Variants in LRMDA observed in about 807,000 individuals in gnomAD.
LRMDA encodes leucine-rich melanocyte differentiation-associated protein.
LRMDA carries 18 observed loss-of-function variants against 29.8 expected under a neutral mutation model. The observed-to-expected ratio is 0.60, with a 90% confidence interval of 0.42 to 0.90. The LOEUF is 0.90. Among genes scored for constraint, LRMDA ranks in the 40% least tolerant of loss-of-function variants. The probability of loss-of-function intolerance (pLI) is 0.00; values close to 1 mark genes in which losing one functional copy is unlikely to be tolerated. For synonymous variants in LRMDA, 125 were observed against 109.4 expected, an observed-to-expected ratio of 1.14 and a Z score of -0.89; for missense variants, 273 against 273.9, an observed-to-expected ratio of 1.00 and a Z score of 0.02.
intron 5 of LRMDA, among the ~76,000 whole-genome samples, chr10:76,213,426 TC>T: frequency 6.6e-6 from 1 of 152,350 alleles, no homozygotes; most frequent in East Asian, 1.9e-4. Context: ...TGTAATCTCC[TC>T]AAATTCAAAT....
intron 2 of LRMDA, among the ~76,000 whole-genome samples, chr10:75,809,355 A>T (rs971696944): frequency 1.3e-5 from 2 of 152,216 alleles, no homozygotes; most frequent in Non-Finnish European, 2.9e-5. Context: ...ATCAAAAAGC[A>T]GACATGGGCC....
chr10:76,476,845 C>G (rs1182647753), intron 6 of LRMDA, among the ~76,000 whole-genome samples: 1 of 152,122 alleles, frequency 6.6e-6, no homozygotes, highest in Non-Finnish European at 1.5e-5. Flanking sequence ...TGACAAAATT[C>G]AACAGCCCTT....
chr10:75,817,781 C>G (rs1161263241), intron 2 of LRMDA, among the ~76,000 whole-genome samples: 1 of 152,116 alleles, frequency 6.6e-6, no homozygotes, highest in East Asian at 1.9e-4. Flanking sequence ...ATCGGAGAAC[C>G]AGAGGGAACT....
intron 2 of LRMDA, among the ~76,000 whole-genome samples, chr10:75,809,541 G>C (rs898270957): frequency 9.2e-5 from 14 of 152,322 alleles, no homozygotes; most frequent in Admixed American, 9.2e-4. Flanking sequence ...TACTCGGGAG[G>C]CTGAGGCAGG....
At chr10:75,479,505 TAAAA>T (rs11359674) in intron 2 of LRMDA, among the ~76,000 whole-genome samples, 4 of 131,398 alleles carry the variant, frequency 3.0e-5, no homozygotes, top group African/African-American at 5.8e-5. Context: ...AGACTCTGTC[TAAAA>T]AAAAAAAAAA....
At chr10:75,763,021 T>C (rs979655857) in intron 2 of LRMDA, among the ~76,000 whole-genome samples, 1 of 152,212 alleles carries the variant, frequency 6.6e-6, no homozygotes, top group African/African-American at 2.4e-5. Flanking sequence ...TTCTAATTGG[T>C]CACTGGGTCT....
chr10:76,541,593 AG>A (rs925337156), intron 6 of LRMDA, among the ~76,000 whole-genome samples: 3 of 64,998 alleles, frequency 4.6e-5, no homozygotes, highest in Non-Finnish European at 8.6e-5. Context: ...TTTTGTTTCC[AG>A]GGGTAAGAAG....
chr10:75,665,469 A>G (rs1450504291), intron 2 of LRMDA, among the ~76,000 whole-genome samples: 2 of 152,242 alleles, frequency 1.3e-5, no homozygotes, highest in East Asian at 3.8e-4. Flanking sequence ...ATTGTAAGAT[A>G]TGGTGGTTAA....
At chr10:75,567,825 A>C (rs1840391533) in intron 2 of LRMDA, among the ~76,000 whole-genome samples, 1 of 152,202 alleles carries the variant, frequency 6.6e-6, no homozygotes, top group Admixed American at 6.5e-5. Context: ...GAAGAGATAA[A>C]ATTTAAGAAG....
chr10:75,857,396 G>T (rs949668686), intron 2 of LRMDA, among the ~76,000 whole-genome samples: 1 of 152,198 alleles, frequency 6.6e-6, no homozygotes, highest in African/African-American at 2.4e-5. Flanking sequence ...TGGTGTGGGT[G>T]AGAGAAGGTC....
intron 2 of LRMDA, among the ~76,000 whole-genome samples, chr10:75,720,253 A>G (rs1589170063): frequency 6.6e-6 from 1 of 152,212 alleles, no homozygotes; most frequent in African/African-American, 2.4e-5. Context: ...AGCAGCAAAT[A>G]AGATGGGGTG....
At chr10:75,811,901 A>G (rs1395167381) in intron 2 of LRMDA, among the ~76,000 whole-genome samples, 1 of 152,146 alleles carries the variant, frequency 6.6e-6, no homozygotes, top group Non-Finnish European at 1.5e-5. Flanking sequence ...CAGTGAATTG[A>G]ATGATGTGAA....
chr10:76,351,984 T>C (rs1267673925), intron 6 of LRMDA, among the ~76,000 whole-genome samples: 1 of 152,160 alleles, frequency 6.6e-6, no homozygotes, highest in Non-Finnish European at 1.5e-5. Flanking sequence ...GAATCCTGGC[T>C]TTGCCACTTA....
At chr10:75,982,747 G>A (rs995885723) in intron 2 of LRMDA, among the ~76,000 whole-genome samples, 2 of 152,088 alleles carry the variant, frequency 1.3e-5, no homozygotes, top group East Asian at 3.9e-4. Flanking sequence ...CATGGTACTT[G>A]GGTTCTTGCC....
intron 5 of LRMDA, among the ~76,000 whole-genome samples, chr10:76,300,974 T>C (rs1840473210): frequency 6.6e-6 from 1 of 152,212 alleles, no homozygotes; most frequent in Non-Finnish European, 1.5e-5. Flanking sequence ...GCTCCTTCCC[T>C]TAGTTCTTTG....
chr10:76,339,069 A>AC (rs1449214460), intron 6 of LRMDA, among the ~76,000 whole-genome samples: 1 of 152,170 alleles, frequency 6.6e-6, no homozygotes, highest in African/African-American at 2.4e-5. Context: ...AAATGAATGG[A>AC]CTTTTTACAA....
intron 2 of LRMDA, among the ~76,000 whole-genome samples, chr10:75,456,921 C>T (rs1273208092): frequency 6.6e-6 from 1 of 152,186 alleles, no homozygotes; most frequent in Non-Finnish European, 1.5e-5. Context: ...GGCAATCCAC[C>T]TGCCTTGGCC....
chr10:75,711,507 G>A (rs1842435760), intron 2 of LRMDA, among the ~76,000 whole-genome samples: 1 of 152,112 alleles, frequency 6.6e-6, no homozygotes, highest in Admixed American at 6.5e-5. Context: ...TTAAAGCATA[G>A]TCATTTTAAT....
intron 5 of LRMDA, among the ~76,000 whole-genome samples, chr10:76,076,345 C>CAA (rs397846101): frequency 0.044 from 2,126 of 48,610 alleles, 137 homozygotes; most frequent in Non-Finnish European, 0.059. Context: ...GACTCCATCT[C>CAA]AAAAAAAAAA....
Sources: allele counts gnomAD v4.1 joint callset (sites outside exome capture counted in the v4.1 genomes callset), GRCh38; gene constraint gnomAD v4.1.1; transcripts MANE v1.5; gene names NCBI Gene and HGNC (gene_info 2026-07-23, HGNC 2026-07-21).